The following DCHS1 variants were observed in gnomAD, a reference collection of about 807,000 sequenced individuals.
DCHS1 encodes the protein dachsous cadherin-related 1.
Under a neutral mutation model 213.9 loss-of-function variants are expected in DCHS1, and 78 were observed. The observed-to-expected ratio is 0.36, with a 90% confidence interval of 0.30 to 0.44. The LOEUF (loss-of-function observed/expected upper bound fraction) is 0.44. DCHS1 is among the 20% of genes least tolerant of loss of function. DCHS1 has a pLI of 1.00. For synonymous variants in DCHS1, 1,828 were observed against 1,873.7 expected, an observed-to-expected ratio of 0.98 and a Z score of 0.63; for missense variants, 3,946 against 4,395.9, an observed-to-expected ratio of 0.90 and a Z score of 2.89.
At chr11:6,645,654 G>A (rs1345152036) in intron 1 of DCHS1, among the ~76,000 whole-genome samples, 3 of 152,174 alleles carry the variant, frequency 2.0e-5, no homozygotes, top group Non-Finnish European at 4.4e-5. Context: ...CAGACTTCAA[G>A]AGGAGAGACT....
chr11:6,631,249 G>C (rs903913932), intron 8 of DCHS1, 39 bp from the exon 9 acceptor site: 2 of 1,613,364 alleles, frequency 1.2e-6, no homozygotes, highest in African/African-American at 2.7e-5. Context: ...TTGGGGCCCA[G>C]AGCTGGGCAG....
Position 6,632,395 on chromosome 11 carries a change from C to T in DCHS1, c.3117G>A (p.Glu1039=), listed in dbSNP as rs1414458804. The T allele has an allele frequency of 6.2e-7, 1 of 1,613,832 alleles. No individual in the cohort carries two copies. The highest frequency in any genetic ancestry group is 1.7e-5 in the Admixed American group (1 of 60,016). The change falls in exon 6 of 21, where the codon GAG becomes GAA. Residue 1039 remains glutamate (E), a synonymous_variant. Transcript: ENST00000299441. This position sits in a 1 kb window ranked among gnomAD's most constrained non-coding sequence, Gnocchi z 5.9. ...GGPITYHLAA[E]GASSPFGLEP... ...CCAGGCCAAAGGGGCTACTTGCTCC[C>T]TCTGCTGCAAGGTGATAGGTGATAG...
Position 6,626,875 on chromosome 11 carries a change from A to G in DCHS1, c.6164T>C (p.Ile2055Thr). Reference sequence around the variant, plus strand: ...CTCAGCTTCCCCCTGCAGTCCAACAATGATCACACCAGTGGCAGAGCGAGC... The same window carrying G: ...CTCAGCTTCCCCCTGCAGTCCAACAGTGATCACACCAGTGGCAGAGCGAGC... ...RPARSATGVI[I>T]VGLQGEAERG... Residue 2055 changes from isoleucine to threonine, a missense_variant, in exon 14 of 21, where the codon ATT becomes ACT. Ile to Thr is a moderately conservative substitution (Grantham distance 89, BLOSUM62 -1). This residue lies in a region of DCHS1 where 3,384 missense variants were observed against 3,780.1 expected (regional missense o/e 0.90). Transcript: ENST00000299441. This position sits in a 1 kb window ranked among gnomAD's most constrained non-coding sequence, Gnocchi z 5.2. 2 of 1,613,530 alleles carry G rather than the reference A, an allele frequency of 1.2e-6. No homozygotes were observed. Among genetic ancestry groups the G allele is most frequent in the Non-Finnish European group, 8.5e-7 (1 of 1,179,860 alleles).
In DCHS1 at chr11:6,640,319, C is replaced by T. The variant is rs1412757840; in HGVS notation, c.1295G>A (p.Arg432Gln). ...CAAGTTATAGGCATCCCTCTCCTCT[C>T]GATCCAGCCGCCGAGCCACACACAC... ...YLVCVARRLD[R>Q]EERDAYNLRV... The change falls in exon 2 of 21, where the codon CGA becomes CAA. Residue 432 changes from arginine to glutamine, a missense_variant. Coordinates refer to ENST00000299441, the MANE Select transcript of DCHS1 (RefSeq NM_003737.4). This position sits in a 1 kb window ranked among gnomAD's most constrained non-coding sequence, Gnocchi z 6.5. 3.7e-5 allele frequency: 59 copies of T among 1,607,902 alleles called. No individual in the cohort carries two copies. The highest frequency in any genetic ancestry group is 4.8e-5 in the Non-Finnish European group (57 of 1,177,330).
chr11:6,626,354 C>G lies in DCHS1; in HGVS notation c.6391G>C (p.Gly2131Arg). 1 of 1,613,512 alleles carries G rather than the reference C, an allele frequency of 6.2e-7. No individual in the cohort carries two copies. The highest frequency in any genetic ancestry group is 8.5e-7 in the Non-Finnish European group (1 of 1,179,694). The change falls in exon 16 of 21, where the codon GGG (glycine) becomes CGG (arginine). Residue 2131 changes from glycine (G) to arginine (R), a missense_variant. Around this residue, in one of 3 missense-constraint regions of DCHS1, gnomAD observed 3,384 missense variants for 3,780.1 expected, o/e 0.90. Transcript: ENST00000299441. This position sits in a 1 kb window ranked among gnomAD's most constrained non-coding sequence, Gnocchi z 5.2. ...CGTGGACTCACCTCGAAGTCTAGCC[C>G]CTCTGCTGAGCGAACTGTGATGGCA... Reference protein sequence around the residue: ...TGAITVRSAEGLDFEVSPRLR... With the variant: ...TGAITVRSAERLDFEVSPRLR...
Position 6,640,005 on chromosome 11 carries a change from C to T in DCHS1, c.1609G>A (p.Asp537Asn), listed in dbSNP as rs772907290. Residue 537 changes from aspartate (D) to asparagine (N), a missense_variant, in exon 2 of 21, where the codon GAC becomes AAC. Physicochemically the swap from Asp to Asn is conservative, Grantham distance 23. Around this residue, in one of 3 missense-constraint regions of DCHS1, gnomAD observed 3,384 missense variants for 3,780.1 expected, o/e 0.90. Transcript: ENST00000299441. The surrounding 1 kb of genome is among the most constrained non-coding windows in gnomAD (Gnocchi z 6.5). The part of the protein sequence containing the change: ...SGIITTAASL[D>N]YELEPQPQLI... ...TGTGGCTGAGGTTCCAACTCATAGTCCAGTGAGGCAGCCGTAGTGATAATG... is the reference window on the plus strand; with the variant it reads ...TGTGGCTGAGGTTCCAACTCATAGTTCAGTGAGGCAGCCGTAGTGATAATG... 3 of 1,613,796 alleles carry T rather than the reference C, an allele frequency of 1.9e-6. No homozygotes were observed. The highest frequency in any genetic ancestry group is 1.7e-5 in the Admixed American group (1 of 60,008).
rs1304593635 is a variant in DCHS1 at position 6,626,389 on chromosome 11, G to A, written c.6365-9C>T. 1 of 1,612,598 alleles carries A rather than the reference G, an allele frequency of 6.2e-7. No homozygotes were observed. Among genetic ancestry groups the A allele is most frequent in the Admixed American group, 1.7e-5 (1 of 59,840 alleles). ...GCGAACTGTGATGGCACCTGGGCGA[G>A]ATAGAATGCATCAGTGATAGCCCCC... On this transcript the variant is annotated splice_polypyrimidine_tract_variant and intron_variant, in intron 15 of 20. Transcript: ENST00000299441. The surrounding 1 kb of genome is among the most constrained non-coding windows in gnomAD (Gnocchi z 5.2).
chr11:6,640,777 T>A lies in DCHS1; in HGVS notation c.837A>T (p.Ala279=). ...APGSPVLQVF[A]SDADAGVNGA... The stretch of plus-strand genomic sequence containing the variant: ...CATTGACACCAGCATCGGCATCAGA[T>A]GCGAACACCTGCAAGACAGGACTGC... Residue 279 remains alanine, a synonymous_variant, in exon 2 of 21, where the codon GCA becomes GCT. Coordinates refer to ENST00000299441, the MANE Select transcript of DCHS1 (RefSeq NM_003737.4). This position sits in a 1 kb window ranked among gnomAD's most constrained non-coding sequence, Gnocchi z 6.5. 1 of 1,614,022 alleles carries A rather than the reference T, an allele frequency of 6.2e-7. No homozygotes were observed. The highest frequency in any genetic ancestry group is 8.5e-7 in the Non-Finnish European group (1 of 1,179,892).
rs777370087 is a variant in DCHS1, at chr11:6,625,963, T to C, written c.6688A>G (p.Thr2230Ala). The C allele has an allele frequency of 6.2e-7, 1 of 1,613,572 alleles. No individual in the cohort carries two copies. The highest frequency in any genetic ancestry group is 8.5e-7 in the Non-Finnish European group (1 of 1,179,750). The change falls in exon 17 of 21, where the codon ACT becomes GCT. Residue 2230 changes from threonine to alanine, a missense_variant. By Grantham distance (58) the Thr-to-Ala change is moderately conservative. Around this residue, in one of 3 missense-constraint regions of DCHS1, gnomAD observed 3,384 missense variants for 3,780.1 expected, o/e 0.90. Coordinates refer to ENST00000299441, the MANE Select transcript of DCHS1 (RefSeq NM_003737.4). The surrounding 1 kb of genome is among the most constrained non-coding windows in gnomAD (Gnocchi z 5.3). ...TCACGGTCCAGGATGGCTGTGGTAG[T>C]GATAGTGCCTGTGGTTGGGTCTACG... ...FHVDPTTGTI[T>A]TTAILDREIW...
chr11:6,631,980 C>T, intron 6 of DCHS1, 51 bp downstream of exon 6: 1 of 1,482,260 alleles, frequency 6.7e-7, no homozygotes, highest in Middle Eastern at 1.8e-4. Context: ...GAATGTTCAC[C>T]AGGCTGGGGA....
In DCHS1 at chr11:6,628,138, T is replaced by G. The variant is rs1855841145; in HGVS notation, c.5372-471A>C. Among the ~76,000 whole-genome samples, 1 of 152,272 alleles carries G rather than the reference T, an allele frequency of 6.6e-6. No individual in the cohort carries two copies. Among genetic ancestry groups the G allele is most frequent in the African/African-American group, 2.4e-5 (1 of 41,480 alleles). Reference sequence around the variant, plus strand: ...ATCTTCAATTATACCTGCTTTAATCTCTGAAATTAACTACTTTCCAACAAA... The same window carrying G: ...ATCTTCAATTATACCTGCTTTAATCGCTGAAATTAACTACTTTCCAACAAA... On this transcript the variant is annotated intron_variant, in intron 13 of 20. Coordinates refer to ENST00000299441, the MANE Select transcript of DCHS1 (RefSeq NM_003737.4). The surrounding 1 kb of genome is among the most constrained non-coding windows in gnomAD (Gnocchi z 4.3).
At position 6,640,060 on chromosome 11, in the gene DCHS1, G is replaced by A; in HGVS notation, c.1554C>T (p.Thr518=). 6.2e-7 allele frequency: 1 copy of A among 1,614,006 alleles called. No individual in the cohort carries two copies. Among genetic ancestry groups the A allele is most frequent in the African/African-American group, 1.3e-5 (1 of 75,054 alleles). The part of the protein sequence containing the change: ...VTYSLAPGAH[T]HWFSIDPTSG... ...AGGTGGGGTCAATGGAGAACCAGTGGGTGTGGGCGCCAGGGGCTAGGCTAT... is the reference window on the plus strand; with the variant it reads ...AGGTGGGGTCAATGGAGAACCAGTGAGTGTGGGCGCCAGGGGCTAGGCTAT... The change falls in exon 2 of 21, where the codon ACC becomes ACT. Residue 518 remains threonine (T), a synonymous_variant. Coordinates refer to ENST00000299441, the MANE Select transcript of DCHS1 (RefSeq NM_003737.4). The surrounding 1 kb of genome is among the most constrained non-coding windows in gnomAD (Gnocchi z 6.5).
intron 2 of DCHS1, among the ~76,000 whole-genome samples, chr11:6,638,937 C>T (rs751280761): frequency 3.3e-5 from 5 of 151,998 alleles, no homozygotes; most frequent in Non-Finnish European, 7.4e-5. Context: ...ACAGTGAAAC[C>T]CCGTCTCTAT....
chr11:6,623,438 C>T lies in DCHS1; in HGVS notation c.8238G>A (p.Leu2746=). 1 of 1,584,966 alleles carries T rather than the reference C, an allele frequency of 6.3e-7. No homozygotes were observed. The highest frequency in any genetic ancestry group is 8.6e-7 in the Non-Finnish European group (1 of 1,165,672). Residue 2746 remains leucine (L), a synonymous_variant, in exon 21 of 21, where the codon TTG becomes TTA. Coordinates refer to ENST00000299441, the MANE Select transcript of DCHS1 (RefSeq NM_003737.4). ...GGCCCTCAGGTCCTGGCCCAGCCTC[C>T]AACAGGCTGTAACGGAGCCTCCCAA... The part of the protein sequence containing the change: ...GAFGRLRYSL[L]EAGPGPEGRE...
In DCHS1 at chr11:6,630,636, C is replaced by A; in HGVS notation, c.4158G>T (p.Gly1386=). 6.5e-7 allele frequency: 1 copy of A among 1,538,900 alleles called. No homozygotes were observed. Among genetic ancestry groups the A allele is most frequent in the Non-Finnish European group, 8.7e-7 (1 of 1,146,996 alleles). The change falls in exon 10 of 21, where the codon GGG becomes GGT. Residue 1386 remains glycine, a synonymous_variant. Coordinates refer to ENST00000299441, the MANE Select transcript of DCHS1 (RefSeq NM_003737.4). ...EGTFALDAAS[G]RLYLARPLDF... is the part of the protein sequence containing the mutation. ...CCAGGGGCCGCGCCAGGTACAAGCG[C>A]CCTGAGGCCGCATCCAGCGCGAAGG...
chr11:6,648,443 A>C (rs919628876), intron 1 of DCHS1, among the ~76,000 whole-genome samples: 1 of 152,226 alleles, frequency 6.6e-6, no homozygotes, highest in African/African-American at 2.4e-5. Context: ...TAAATTTAGC[A>C]GTGAGGAGGT....
chr11:6,624,514 GGA>G (rs1384200967), intron 20 of DCHS1, 124 bp from the exon 21 acceptor site: 3 of 1,299,836 alleles, frequency 2.3e-6, no homozygotes, highest in African/African-American at 3.0e-5. Context: ...CTATCTGCTG[GGA>G]GACAAGGGGA....
intron 1 of DCHS1, among the ~76,000 whole-genome samples, chr11:6,654,010 G>A (rs771302584): frequency 6.6e-6 from 1 of 152,188 alleles, no homozygotes; most frequent in Non-Finnish European, 1.5e-5. Context: ...CAGGAGCTAA[G>A]GAGGTCAAGA....
At chr11:6,654,997 C>G (rs549598947) in intron 1 of DCHS1, among the ~76,000 whole-genome samples, 39 of 152,222 alleles carry the variant, frequency 2.6e-4, no homozygotes, top group African/African-American at 5.1e-4. Context: ...GGTGACCCCC[C>G]CCTCCATCCA....
Sources: allele counts gnomAD v4.1 joint callset (sites outside exome capture counted in the v4.1 genomes callset), GRCh38; gene constraint gnomAD v4.1.1; regional missense constraint gnomAD v4.1.1; non-coding constraint Gnocchi (gnomAD v3.1); transcripts MANE v1.5; gene names NCBI Gene and HGNC (gene_info 2026-07-23, HGNC 2026-07-21).